The following DPP6 variants were observed in gnomAD, a reference collection of about 807,000 sequenced individuals.
DPP6 encodes the protein A-type potassium channel modulatory protein DPP6.
A neutral mutation model predicts 122.6 loss-of-function variants in DPP6; 69 were observed. The ratio of observed to expected loss-of-function variants is 0.56; its 90% CI spans 0.46 to 0.69. The LOEUF (loss-of-function observed/expected upper bound fraction) is 0.69. Ranked by LOEUF, DPP6 falls within the 30% of genes least tolerant of loss-of-function variation. The pLI, the probability that DPP6 is intolerant of heterozygous loss-of-function variation, is 0.00. For synonymous variants in DPP6, 418 were observed against 433.1 expected, an observed-to-expected ratio of 0.97 and a Z score of 0.43; for missense variants, 928 against 1,116.9, an observed-to-expected ratio of 0.83 and a Z score of 2.41.
chr7:154,830,925 T>C (rs1039614426), intron 16 of DPP6, among the ~76,000 whole-genome samples: 4 of 152,228 alleles, frequency 2.6e-5, no homozygotes, highest in African/African-American at 4.8e-5. Context: ...TTTACATCCA[T>C]TATTGCTGGA....
the DPP6 span, among the ~76,000 whole-genome samples, chr7:153,836,283 G>A: frequency 3.3e-5 from 5 of 152,106 alleles, no homozygotes; most frequent in African/African-American, 1.2e-4. Context: ...TTTGGCCAAA[G>A]GTTCAGAGAG....
chr7:153,911,381 T>C (rs1416074325), intron 1 of DPP6, among the ~76,000 whole-genome samples: 1 of 152,196 alleles, frequency 6.6e-6, no homozygotes, highest in Admixed American at 6.5e-5. Flanking sequence ...GTATGTTTAT[T>C]GGTTGGCATG....
intron 2 of DPP6, among the ~76,000 whole-genome samples, chr7:154,468,573 A>G (rs912704729): frequency 2.0e-5 from 3 of 152,322 alleles, no homozygotes; most frequent in Middle Eastern, 3.4e-3. Context: ...GCGGTAACTC[A>G]CTAAAGAAAA....
At chr7:154,332,790 A>T (rs548710694) in intron 1 of DPP6, among the ~76,000 whole-genome samples, 1 of 152,166 alleles carries the variant, frequency 6.6e-6, no homozygotes. Flanking sequence ...TCTAGGAATA[A>T]TTTTTCTGCG....
chr7:153,768,528 A>G, the DPP6 span, among the ~76,000 whole-genome samples: 19 of 152,140 alleles, frequency 1.2e-4, no homozygotes, highest in African/African-American at 4.6e-4. Flanking sequence ...TCAACACTTG[A>G]TGTTATCACC....
chr7:154,564,100 C>A (rs1161604522), intron 4 of DPP6, among the ~76,000 whole-genome samples: 1 of 152,104 alleles, frequency 6.6e-6, no homozygotes, highest in African/African-American at 2.4e-5. Flanking sequence ...ACAGTCAGGG[C>A]TTCGAGGAGT....
chr7:154,568,521 C>T (rs538458378), intron 5 of DPP6, among the ~76,000 whole-genome samples: 70 of 152,310 alleles, frequency 4.6e-4, no homozygotes, highest in South Asian at 3.9e-3. Flanking sequence ...GCCGTGTGAT[C>T]GGAAGAGGCG....
intron 1 of DPP6, among the ~76,000 whole-genome samples, chr7:154,161,461 C>T (rs1796980208): frequency 6.6e-6 from 1 of 151,978 alleles, no homozygotes; most frequent in Admixed American, 6.6e-5. Flanking sequence ...CATACCATCG[C>T]ACCCCAGCCT....
At chr7:154,262,639 A>G (rs1251491307) in intron 1 of DPP6, among the ~76,000 whole-genome samples, 1 of 138,128 alleles carries the variant, frequency 7.2e-6, no homozygotes, top group African/African-American at 2.8e-5. Context: ...TATGTTAGAA[A>G]GTGTCAAATG....
intron 1 of DPP6, chr7:154,305,360 C>T (rs1408578282): frequency 1.9e-6 from 2 of 1,034,472 alleles, no homozygotes; most frequent in African/African-American, 3.4e-5. Context: ...CCCCATCCTC[C>T]CCAAAATAGC....
At chr7:154,462,126 C>T (rs773195280) in intron 2 of DPP6, among the ~76,000 whole-genome samples, 2 of 152,056 alleles carry the variant, frequency 1.3e-5, no homozygotes, top group African/African-American at 4.8e-5. Flanking sequence ...CTGTCCTTTC[C>T]CCAATATATG....
At chr7:153,749,225 C>T in the DPP6 span, among the ~76,000 whole-genome samples, 1 of 152,194 alleles carries the variant, frequency 6.6e-6, no homozygotes, top group African/African-American at 2.4e-5. This position sits in a 1 kb window ranked among gnomAD's most constrained non-coding sequence, Gnocchi z 4.1. Flanking sequence ...CGGCCAGCAG[C>T]AGGGCTCTGC....
intron 1 of DPP6, among the ~76,000 whole-genome samples, chr7:153,942,486 A>G (rs544230620): frequency 6.6e-6 from 1 of 152,330 alleles, no homozygotes; most frequent in East Asian, 1.9e-4. Flanking sequence ...TGAATGCTGC[A>G]TACTTTAGGA....
At chr7:154,051,905 C>T (rs1800352136), upstream of DPP6, among the ~76,000 whole-genome samples, 1 of 151,666 alleles carries the variant, frequency 6.6e-6, no homozygotes, top group Non-Finnish European at 1.5e-5. Context: ...CCTGGTGGCT[C>T]TCCCACGCCC....
At chr7:154,541,812 G>C (rs1375773978) in intron 4 of DPP6, among the ~76,000 whole-genome samples, 4 of 152,136 alleles carry the variant, frequency 2.6e-5, no homozygotes, top group South Asian at 2.1e-4. Flanking sequence ...CGGTTCCCTG[G>C]TTTTACAGAT....
At chr7:154,530,152 A>C (rs931523554) in intron 3 of DPP6, among the ~76,000 whole-genome samples, 1 of 152,032 alleles carries the variant, frequency 6.6e-6, no homozygotes, top group African/African-American at 2.4e-5. Flanking sequence ...AAAAAGAAAA[A>C]AAAGAAGGAA....
intron 4 of DPP6, among the ~76,000 whole-genome samples, chr7:154,542,041 C>A (rs937798963): frequency 3.9e-5 from 6 of 152,148 alleles, no homozygotes; most frequent in Non-Finnish European, 8.8e-5. Flanking sequence ...ACTTTCATTT[C>A]TTTTCTTTTG....
At chr7:154,742,016 G>A (rs1842841065) in intron 8 of DPP6, among the ~76,000 whole-genome samples, 1 of 152,114 alleles carries the variant, frequency 6.6e-6, no homozygotes, top group Non-Finnish European at 1.5e-5. Context: ...ATCCTATTTC[G>A]AGCCCCTTCT....
intron 16 of DPP6, among the ~76,000 whole-genome samples, chr7:154,832,095 C>T (rs1441495084): frequency 1.3e-5 from 2 of 152,224 alleles, no homozygotes; most frequent in South Asian, 2.1e-4. Context: ...AGCCACTGTA[C>T]CAGCACTTCA....
Sources: gnomAD v4.1 joint callset for allele counts (sites outside exome capture counted in the v4.1 genomes callset) on GRCh38, gnomAD v4.1.1 for gene constraint, Gnocchi (gnomAD v3.1) non-coding constraint, MANE v1.5 for transcripts, NCBI Gene and HGNC (gene_info 2026-07-23, HGNC 2026-07-21) for gene names.